The following TIAM1 variants were observed in gnomAD, a reference collection of about 807,000 sequenced individuals.
The protein encoded by TIAM1 is TIAM Rac1 associated GEF 1, also known as rho guanine nucleotide exchange factor TIAM1.
A neutral mutation model predicts 163.5 loss-of-function variants in TIAM1; 65 were observed. The ratio of observed to expected loss-of-function variants is 0.40; its 90% CI spans 0.33 to 0.49. The LOEUF is 0.49. Among genes scored for constraint, TIAM1 ranks in the 20% least tolerant of loss-of-function variants. The probability of loss-of-function intolerance (pLI) is 0.77; values close to 1 mark genes in which losing one functional copy is unlikely to be tolerated. For synonymous variants in TIAM1, 833 were observed against 810.1 expected (o/e 1.03, Z -0.48); for missense variants, 1,789 against 2,044.7 (o/e 0.87, Z 2.41).
At chr21:31,497,346 C>T (rs974211019) in intron 1 of TIAM1, among the ~76,000 whole-genome samples, 21 of 152,144 alleles carry the variant, frequency 1.4e-4, no homozygotes, top group African/African-American at 5.1e-4. Flanking sequence ...AATATCAAAA[C>T]AAATAGTTAT....
rs959995822 is a variant in TIAM1 at position 31,390,537 on chromosome 21, G to A, written c.-368-51115C>T. Among the ~76,000 whole-genome samples the A allele has an allele frequency of 2.0e-5, 3 of 152,282 alleles. No homozygotes were observed. In the South Asian group the frequency reaches 6.2e-4, roughly 32 times the overall value. ...ATGCAGGAGCACCTATACAATCACAGATGTTATGAGCAGGAAGAAGGTCAT... is the reference window on the plus strand; with the variant it reads ...ATGCAGGAGCACCTATACAATCACAAATGTTATGAGCAGGAAGAAGGTCAT... On this transcript the variant is annotated intron_variant, in intron 2 of 28. Transcript: ENST00000286827.
intron 15 of TIAM1, among the ~76,000 whole-genome samples, chr21:31,168,115 C>T (rs1264908332): frequency 2.0e-5 from 3 of 148,302 alleles, no homozygotes; most frequent in Admixed American, 1.3e-4. Context: ...TTTTTGGAGA[C>T]GTAGTTTCAC....
chr21:31,147,036 T>C (rs1248833859), intron 19 of TIAM1, 33 bp from the exon 20 acceptor site: 2 of 1,583,678 alleles, frequency 1.3e-6, no homozygotes, highest in Non-Finnish European at 1.7e-6. Flanking sequence ...CAGTTGGTTG[T>C]TTCCTTCCTC....
intron 1 of TIAM1, among the ~76,000 whole-genome samples, chr21:31,478,590 C>A (rs1441529242): frequency 6.6e-6 from 1 of 152,202 alleles, no homozygotes; most frequent in Non-Finnish European, 1.5e-5. Context: ...AACGTGTCCA[C>A]AATTTCAAAA....
In TIAM1 at chr21:31,505,801, TCGAGA is replaced by T. The variant is rs747721601; in HGVS notation, c.-421-41771_-421-41767del. Among the ~76,000 whole-genome samples the T allele has an allele frequency of 5.3e-5, 8 of 151,972 alleles. No individual in the cohort carries two copies. The South Asian group carries it at 1.7e-3, about 32-fold the overall frequency. On this transcript the variant is annotated intron_variant, in intron 1 of 28. Transcript: ENST00000286827. The stretch of plus-strand genomic sequence containing the variant: ...GGGCGGATCACCTGAGGTCGGGAGT[TCGAGA>T]CGAGCATGGCCAACACAGTGAATGA...
At chr21:31,254,918 A>G (rs2072011553) in intron 4 of TIAM1, among the ~76,000 whole-genome samples, 1 of 152,202 alleles carries the variant, frequency 6.6e-6, no homozygotes, top group Non-Finnish European at 1.5e-5. Context: ...GGCGTGTCTC[A>G]TAAGAGTTCA....
At chr21:31,333,936 T>C (rs553995576) in intron 2 of TIAM1, among the ~76,000 whole-genome samples, 4 of 152,168 alleles carry the variant, frequency 2.6e-5, no homozygotes, top group Admixed American at 6.5e-5. Flanking sequence ...TGAAGCATAG[T>C]AACTAGATGT....
rs775334720 is a variant in TIAM1, at chr21:31,363,019, A to G, written c.-368-23597T>C. Among the ~76,000 whole-genome samples, 12 of 152,140 alleles carry G rather than the reference A, an allele frequency of 7.9e-5. No homozygotes were observed. The East Asian group carries it at 1.4e-3, about 17-fold the overall frequency. On this transcript the variant is annotated intron_variant, in intron 2 of 28. Transcript: ENST00000286827. Reference sequence around the variant, plus strand: ...CATACTTCTTCCACCATCCTTAACCACAAGATGGGCACAGGATCCAGCTGG... The same window carrying G: ...CATACTTCTTCCACCATCCTTAACCGCAAGATGGGCACAGGATCCAGCTGG...
chr21:31,133,207 T>G (rs2833292), intron 23 of TIAM1, among the ~76,000 whole-genome samples: 95 of 152,344 alleles, frequency 6.2e-4, no homozygotes, highest in Admixed American at 1.6e-3. Flanking sequence ...CTTTAACGGC[T>G]GGGAATCCAC....
chr21:31,225,817 T>G lies in TIAM1; in HGVS notation c.1718A>C (p.Lys573Thr), dbSNP rs148731574. 3 of 1,614,118 alleles carry G rather than the reference T, an allele frequency of 1.9e-6. No individual in the cohort carries two copies. In the South Asian group the frequency reaches 3.3e-5, roughly 18 times the overall value. The change falls in exon 7 of 28, where the codon AAG becomes ACG. Residue 573 changes from lysine (K) to threonine (T), a missense_variant. By Grantham distance (78) the Lys-to-Thr change is moderately conservative (BLOSUM62 -1). Coordinates refer to ENST00000541036, the MANE Select transcript of TIAM1 (RefSeq NM_001353694.2). ...LKSEIKKLEQKIDMDEKMKKM... is the reference protein window; with the variant it reads ...LKSEIKKLEQTIDMDEKMKKM... ...CTTCATCTTTTCATCCATGTCAATC[T>G]TCTGTTCCAGTTTTTTGATCTCTGA...
At chr21:31,471,038 A>G (rs1009140394) in intron 1 of TIAM1, among the ~76,000 whole-genome samples, 3 of 152,228 alleles carry the variant, frequency 2.0e-5, no homozygotes, top group Non-Finnish European at 2.9e-5. Flanking sequence ...TGTCGGATGC[A>G]CAAGCAACAG....
intron 4 of TIAM1, among the ~76,000 whole-genome samples, chr21:31,263,227 T>C (rs1353531184): frequency 6.6e-6 from 1 of 152,192 alleles, no homozygotes; most frequent in Admixed American, 6.5e-5. Context: ...TGGTATCCTA[T>C]TTGGTTCTCC....
chr21:31,406,429 TG>T (rs2077248285), intron 2 of TIAM1, among the ~76,000 whole-genome samples: 1 of 152,182 alleles, frequency 6.6e-6, no homozygotes, highest in African/African-American at 2.4e-5. Context: ...ATGGAGAGGA[TG>T]ATAGGATTAG....
At chr21:31,154,890 C>T (rs2083547711) in intron 16 of TIAM1, among the ~76,000 whole-genome samples, 1 of 152,202 alleles carries the variant, frequency 6.6e-6, no homozygotes, top group African/African-American at 2.4e-5. Context: ...ATCAGACTCC[C>T]AGTTCAGTAA....
chr21:31,127,179 C>G, intron 25 of TIAM1, 27 bp from the exon 26 acceptor site: 1 of 1,604,530 alleles, frequency 6.2e-7, no homozygotes, highest in Non-Finnish European at 8.5e-7. Context: ...AACAATGAAT[C>G]AGGGTATGTT....
intron 4 of TIAM1, among the ~76,000 whole-genome samples, chr21:31,257,477 T>C (rs1193311809): frequency 3.9e-5 from 6 of 152,202 alleles, no homozygotes; most frequent in African/African-American, 7.2e-5. Context: ...TGCTTTTCTA[T>C]GTATGTGCTT....
At chr21:31,394,728 T>TCTCTCTCTCTCTCTCTCTCACA (rs1279053911) in intron 2 of TIAM1, among the ~76,000 whole-genome samples, 2 of 95,706 alleles carry the variant, frequency 2.1e-5, no homozygotes, top group Non-Finnish European at 4.2e-5. Context: ...TCTCTCTCTC[T>TCTCTCTCTCTCTCTCTCTCACA]CACACACACA....
chr21:31,361,210 C>A (rs564626943), intron 2 of TIAM1, among the ~76,000 whole-genome samples: 7 of 152,220 alleles, frequency 4.6e-5, no homozygotes, highest in African/African-American at 1.7e-4. Flanking sequence ...TAGAGCTACA[C>A]CCAAGAGAAA....
chr21:31,482,933 ATGGTCACAC>A, intron 1 of TIAM1, among the ~76,000 whole-genome samples: 1 of 152,202 alleles, frequency 6.6e-6, no homozygotes, highest in African/African-American at 2.4e-5. Context: ...ATATATAATC[ATGGTCACAC>A]TGGTAATGAA....
Sources: gnomAD v4.1 joint callset for allele counts (sites outside exome capture counted in the v4.1 genomes callset) on GRCh38, gnomAD v4.1.1 for gene constraint, MANE v1.5 for transcripts, NCBI Gene and HGNC (gene_info 2026-07-23, HGNC 2026-07-21) for gene names.